KIAA0319: variants seen among roughly 807,000 people sequenced by gnomAD.
KIAA0319 encodes KIAA0319, also known as dyslexia-associated protein KIAA0319.
In KIAA0319, 83 loss-of-function variants were observed where a neutral mutation model predicts 108.4. The ratio of observed to expected loss-of-function variants is 0.77; its 90% confidence interval spans 0.64 to 0.92. The LOEUF (loss-of-function observed/expected upper bound fraction) is 0.92, where lower values mean the gene tolerates loss of function less well. Ranked by LOEUF, KIAA0319 falls within the 40% of genes least tolerant of loss-of-function variation. The pLI is 0.00. For missense variants in KIAA0319, 1,195 were observed against 1,322.4 expected, an observed-to-expected ratio of 0.90 and a Z score of 1.49; for synonymous variants, 484 against 510.4, an observed-to-expected ratio of 0.95 and a Z score of 0.70.
chr6:24,643,847 G>A (rs530317689), intron 1 of KIAA0319, among the ~76,000 whole-genome samples: 1 of 152,308 alleles, frequency 6.6e-6, no homozygotes, highest in African/African-American at 2.4e-5. Context: ...AGGTCCCATT[G>A]TTATCTCTAT....
intron 1 of KIAA0319, among the ~76,000 whole-genome samples, chr6:24,617,715 G>A (rs1000501437): frequency 6.6e-6 from 1 of 152,164 alleles, no homozygotes; most frequent in African/African-American, 2.4e-5. Flanking sequence ...GGCGGGGCGT[G>A]GTGGCTCATG....
Position 24,547,107 on chromosome 6 carries a change from C to T in KIAA0319, c.*58G>A. On this transcript the variant is annotated 3_prime_UTR_variant, in exon 21 of 21. Coordinates refer to ENST00000378214, the MANE Select transcript of KIAA0319 (RefSeq NM_014809.4). ...TAAAAGAGTGGGTTTTGTGCTGTAA[C>T]TCCCACTGACTGGTCTTGGATTCAA... 6.5e-7 allele frequency: 1 copy of T among 1,547,158 alleles called. No homozygotes were observed. Among genetic ancestry groups the T allele is most frequent in the Non-Finnish European group, 8.9e-7 (1 of 1,122,890 alleles).
chr6:24,611,714 A>T (rs1772339384), intron 1 of KIAA0319, among the ~76,000 whole-genome samples: 1 of 152,286 alleles, frequency 6.6e-6, no homozygotes. Flanking sequence ...CTGTCAACAG[A>T]CAGAACATAG....
Position 24,599,530 on chromosome 6 carries a change from A to C in KIAA0319, c.55+1519T>G. The C allele has an allele frequency of 1.8e-6, 1 of 568,972 alleles. No individual in the cohort carries two copies. Among genetic ancestry groups the C allele is most frequent in the Non-Finnish European group, 3.4e-6 (1 of 296,304 alleles). The allele number at this position is 568,972 out of a possible 1,614,324, so 35.2% of individuals were successfully genotyped here. A position where few individuals can be genotyped will look rare whatever the true frequency, so the allele number is the denominator to read the frequency against. On this transcript the variant is annotated intron_variant, in intron 2 of 20. Transcript: ENST00000378214. This position sits in a 1 kb window ranked among gnomAD's most constrained non-coding sequence, Gnocchi z 4.1. ...GACATCGAGATTGTCACCTACAGGAAGGTGCTGGAGGGCGAGGAGAGCTGG... is the reference window on the plus strand; with the variant it reads ...GACATCGAGATTGTCACCTACAGGACGGTGCTGGAGGGCGAGGAGAGCTGG...
intron 3 of KIAA0319, among the ~76,000 whole-genome samples, chr6:24,594,752 A>G (rs1447990216): frequency 1.3e-5 from 2 of 152,188 alleles, no homozygotes; most frequent in African/African-American, 2.4e-5. Flanking sequence ...TTATTCTAAC[A>G]TAAGTACTGG....
intron 2 of KIAA0319, 70 bp from the exon 3 acceptor site, chr6:24,596,688 C>A: frequency 7.0e-7 from 1 of 1,432,754 alleles, no homozygotes; most frequent in Non-Finnish European, 9.4e-7. Context: ...CTTAAGAAAC[C>A]AGGAAAAGGG....
chr6:24,644,215 C>G (rs758332366), intron 1 of KIAA0319, among the ~76,000 whole-genome samples: 4 of 147,990 alleles, frequency 2.7e-5, no homozygotes, highest in Non-Finnish European at 5.9e-5. Context: ...AAAGTGCACC[C>G]TGTGATGGGA....
rs761589065 is a variant in KIAA0319, at chr6:24,570,037, T to C, written c.1859-2A>G. Reference sequence around the variant, plus strand: ...CAGCCACTGGAGGTCTATTGTTTTCTGGAATTACAGAAACAGTGTGAAAAA... The same window carrying C: ...CAGCCACTGGAGGTCTATTGTTTTCCGGAATTACAGAAACAGTGTGAAAAA... On this transcript the variant is annotated splice_acceptor_variant, in intron 11 of 20. Transcript: ENST00000378214. LOFTEE classifies it high-confidence loss of function. 20 of 1,613,172 alleles carry C rather than the reference T, an allele frequency of 1.2e-5. No individual in the cohort carries two copies. In the Admixed American group the frequency reaches 3.3e-4, roughly 27 times the overall value.
chr6:24,624,043 T>TTTAGACA (rs1562091062), intron 1 of KIAA0319, among the ~76,000 whole-genome samples: 1 of 144,470 alleles, frequency 6.9e-6, no homozygotes, highest in African/African-American at 2.6e-5. Flanking sequence ...TTTTTTTTTT[T>TTTAGACA]AGACAAGGTC....
intron 1 of KIAA0319, among the ~76,000 whole-genome samples, chr6:24,621,506 G>A (rs1434264343): frequency 1.3e-5 from 2 of 152,088 alleles, no homozygotes; most frequent in Non-Finnish European, 2.9e-5. Context: ...GGAGGAAATT[G>A]GCATCATTAA....
intron 4 of KIAA0319, among the ~76,000 whole-genome samples, chr6:24,588,236 G>A (rs1767865994): frequency 6.6e-6 from 1 of 152,184 alleles, no homozygotes; most frequent in South Asian, 2.1e-4. Context: ...ACAGACCAAT[G>A]CCATTTTTGC....
chr6:24,633,600 TA>T (rs1017558365), intron 1 of KIAA0319, among the ~76,000 whole-genome samples: 56 of 147,550 alleles, frequency 3.8e-4, no homozygotes, highest in Admixed American at 6.1e-4. Context: ...TTTCTATATT[TA>T]AAAAAAAAAA....
chr6:24,581,147 T>G, intron 6 of KIAA0319, 134 bp from the exon 7 acceptor site: 1 of 653,334 alleles, frequency 1.5e-6, no homozygotes, highest in South Asian at 1.7e-5. Flanking sequence ...ACAGTCTCAT[T>G]TGGATCTGTC....
At chr6:24,617,517 C>A (rs1773320562) in intron 1 of KIAA0319, among the ~76,000 whole-genome samples, 2 of 151,940 alleles carry the variant, frequency 1.3e-5, no homozygotes, top group Admixed American at 1.3e-4. Context: ...AAAGAGGGAG[C>A]TAGAAAGCAG....
intron 1 of KIAA0319, among the ~76,000 whole-genome samples, chr6:24,626,006 T>C (rs972581787): frequency 1.3e-5 from 2 of 152,216 alleles, no homozygotes; most frequent in Admixed American, 1.3e-4. Context: ...CGGTGGAATA[T>C]TATTTGGCAA....
chr6:24,558,280 AAAG>A (rs1439285112), intron 17 of KIAA0319, among the ~76,000 whole-genome samples: 26 of 151,804 alleles, frequency 1.7e-4, no homozygotes, highest in Admixed American at 3.9e-4. Context: ...TACCAAAAAA[AAAG>A]AAAAGAAAAA....
At chr6:24,616,591 A>C (rs1170826854) in intron 1 of KIAA0319, among the ~76,000 whole-genome samples, 1 of 152,188 alleles carries the variant, frequency 6.6e-6, no homozygotes, top group Non-Finnish European at 1.5e-5. Flanking sequence ...TGACCTCGTG[A>C]TCTGCCCACC....
rs1464416978 is a variant in KIAA0319 at position 24,580,937 on chromosome 6, G to C, written c.1268C>G (p.Thr423Ser). ...NAFGEGFVNV[T>S]VKPARRVNLP... Reference sequence around the variant, plus strand: ...TTACACCGGCTTACCAGGCTTAACAGTGACATTGACAAATCCTTCTCCAAA... The same window carrying C: ...TTACACCGGCTTACCAGGCTTAACACTGACATTGACAAATCCTTCTCCAAA... The change falls in exon 7 of 21, where the codon ACT becomes AGT. Residue 423 changes from threonine (T) to serine (S), a missense_variant. Thr to Ser is a moderately conservative substitution (Grantham distance 58). Transcript: ENST00000378214. 3.1e-6 allele frequency: 5 copies of C among 1,609,030 alleles called. No individual in the cohort carries two copies. Among genetic ancestry groups the C allele is most frequent in the South Asian group, 2.2e-5 (2 of 90,988 alleles).
chr6:24,564,205 G>A lies in KIAA0319; in HGVS notation c.2428C>T (p.Pro810Ser). The change falls in exon 15 of 21, where the codon CCA becomes TCA. Residue 810 changes from proline to serine, a missense_variant. By Grantham distance (74) the Pro-to-Ser change is moderately conservative. Transcript: ENST00000378214. ...GCTCCAGAGCCCAGGAACTCACCTG[G>A]CTGCACTTCCACAGTGGCAGTGTCT... ...DTDTATVEVQ[P>S]DPRKSGLVEL... 16 of 1,614,110 alleles carry A rather than the reference G, an allele frequency of 9.9e-6. No individual in the cohort carries two copies. The highest frequency in any genetic ancestry group is 1.4e-5 in the Non-Finnish European group (16 of 1,180,012).
Sources: allele counts gnomAD v4.1 joint callset (sites outside exome capture counted in the v4.1 genomes callset), GRCh38; gene constraint gnomAD v4.1.1; non-coding constraint Gnocchi (gnomAD v3.1); transcripts MANE v1.5; gene names NCBI Gene and HGNC (gene_info 2026-07-23, HGNC 2026-07-21).